Variants in WDR7 observed in about 807,000 individuals in gnomAD.
WDR7 encodes the protein WD repeat domain 7.
WDR7 carries 46 observed loss-of-function variants against 169.4 expected under a neutral mutation model. The ratio of observed to expected loss-of-function variants is 0.27; its 90% CI spans 0.21 to 0.35. WDR7 has a LOEUF of 0.35. Ranked by LOEUF, WDR7 falls within the 10% of genes least tolerant of loss-of-function variation. The pLI is 1.00. For synonymous variants in WDR7, 612 were observed against 666.8 expected (o/e 0.92, Z 1.27); for missense variants, 1,534 against 1,859.3 (o/e 0.83, Z 3.22).
intron 16 of WDR7, among the ~76,000 whole-genome samples, chr18:56,763,636 C>T (rs1298657524): frequency 2.0e-5 from 3 of 152,164 alleles, no homozygotes; most frequent in Non-Finnish European, 4.4e-5. Flanking sequence ...GCCCCTTTCC[C>T]TGTATTTTCT....
intron 14 of WDR7, among the ~76,000 whole-genome samples, chr18:56,752,825 C>T (rs538268196): frequency 5.3e-5 from 8 of 152,288 alleles, no homozygotes; most frequent in African/African-American, 1.9e-4. Flanking sequence ...ACTTGAAATA[C>T]TTCTTGCAGG....
At chr18:56,810,812 ACC>A (rs2044855933) in intron 19 of WDR7, among the ~76,000 whole-genome samples, 1 of 152,170 alleles carries the variant, frequency 6.6e-6, no homozygotes, top group Admixed American at 6.6e-5. Flanking sequence ...ATTAAATTCA[ACC>A]TTGAAAGTGT....
At chr18:56,715,637 T>C (rs1290975123) in intron 12 of WDR7, among the ~76,000 whole-genome samples, 1 of 152,040 alleles carries the variant, frequency 6.6e-6, no homozygotes. Flanking sequence ...AGTTCAAGAC[T>C]AGCCTGGGCA....
At chr18:56,890,022 T>A (rs1181455423) in intron 21 of WDR7, among the ~76,000 whole-genome samples, 1 of 152,176 alleles carries the variant, frequency 6.6e-6, no homozygotes, top group African/African-American at 2.4e-5. Flanking sequence ...ATTTGTGGTT[T>A]TTGTTTTTGT....
At chr18:56,792,538 T>C (rs2044506249) in intron 19 of WDR7, among the ~76,000 whole-genome samples, 1 of 151,994 alleles carries the variant, frequency 6.6e-6, no homozygotes, top group Non-Finnish European at 1.5e-5. Context: ...GTAGTAAACT[T>C]ACACATGAAA....
intron 12 of WDR7, among the ~76,000 whole-genome samples, chr18:56,707,316 T>G (rs771353799): frequency 6.6e-6 from 1 of 152,142 alleles, no homozygotes; most frequent in Non-Finnish European, 1.5e-5. Flanking sequence ...ACTTTGTTCC[T>G]CTGTTAGGTA....
intron 21 of WDR7, among the ~76,000 whole-genome samples, chr18:56,891,351 T>G (rs2046260945): frequency 6.6e-6 from 1 of 152,134 alleles, no homozygotes; most frequent in Non-Finnish European, 1.5e-5. Flanking sequence ...GAATACTTTG[T>G]GGCTCGATTT....
chr18:56,689,425 C>A (rs2025517429), intron 7 of WDR7, among the ~76,000 whole-genome samples: 1 of 151,678 alleles, frequency 6.6e-6, no homozygotes. Context: ...CACGCCTGAC[C>A]AATTTTTGTA....
chr18:57,005,707 A>C (rs2048046495), intron 26 of WDR7, among the ~76,000 whole-genome samples: 1 of 152,172 alleles, frequency 6.6e-6, no homozygotes, highest in Admixed American at 6.6e-5. Context: ...AAAATATTTA[A>C]ATCAGGGGTG....
chr18:56,746,111 A>AG (rs1304998438), intron 14 of WDR7, among the ~76,000 whole-genome samples: 1 of 152,210 alleles, frequency 6.6e-6, no homozygotes, highest in African/African-American at 2.4e-5. Context: ...CAGTTATCTC[A>AG]GGGAGACAGT....
Position 57,029,471 on chromosome 18 carries a change from G to A in WDR7, c.*2264G>A, listed in dbSNP as rs918696517. ...AGCCACAGTCCCAAACTTCATCCCA[G>A]CTTAGATTTCTCAGCACTGAGGTAA... On this transcript the variant is annotated 3_prime_UTR_variant, in exon 28 of 28. Transcript: ENST00000254442. 6.6e-6 allele frequency: 1 copy of A among 152,134 alleles called. No individual in the cohort carries two copies. Among genetic ancestry groups the A allele is most frequent in the Non-Finnish European group, 1.5e-5 (1 of 68,032 alleles). 9.4% of individuals were successfully genotyped at this position (152,134 alleles called of 1,614,324 possible). A position where few individuals can be genotyped will look rare whatever the true frequency, so the allele number is the denominator to read the frequency against.
At chr18:56,658,339 A>G (rs1189231204) in intron 1 of WDR7, among the ~76,000 whole-genome samples, 1 of 152,084 alleles carries the variant, frequency 6.6e-6, no homozygotes, top group African/African-American at 2.4e-5. Context: ...CCTGACCTCA[A>G]GTGATCTGCC....
intron 20 of WDR7, among the ~76,000 whole-genome samples, chr18:56,843,128 C>T (rs2045512419): frequency 6.6e-6 from 1 of 152,104 alleles, no homozygotes; most frequent in Non-Finnish European, 1.5e-5. Context: ...TACAAAAATC[C>T]ATTAATGATG....
chr18:56,680,939 TA>T (rs2025339817), intron 3 of WDR7, among the ~76,000 whole-genome samples: 1 of 152,240 alleles, frequency 6.6e-6, no homozygotes, highest in Admixed American at 6.5e-5. Context: ...CTGTTATCCT[TA>T]CTTTGAGGTT....
Position 56,879,928 on chromosome 18 carries a change from A to G in WDR7, c.3305-16A>G, listed in dbSNP as rs1012739247. 23 of 1,584,380 alleles carry G rather than the reference A, an allele frequency of 1.5e-5. 1 individual carries two copies. Among genetic ancestry groups the G allele is most frequent in the South Asian group, 1.1e-4 (10 of 90,034 alleles). The stretch of plus-strand genomic sequence containing the variant: ...TTGATTTGTTCTAAGTTGAGATTCT[A>G]TGTTTTGGTCTTCAGGTTGCTTATC... On this transcript the variant is annotated splice_polypyrimidine_tract_variant and intron_variant, in intron 20 of 27. Transcript: ENST00000254442.
chr18:56,800,600 C>T (rs1469585856), intron 19 of WDR7, among the ~76,000 whole-genome samples: 1 of 151,986 alleles, frequency 6.6e-6, no homozygotes, highest in African/African-American at 2.4e-5. Flanking sequence ...GATCCAGGAC[C>T]TTATATTTTG....
chr18:56,862,957 A>G (rs1241263287), intron 20 of WDR7, among the ~76,000 whole-genome samples: 6 of 151,888 alleles, frequency 4.0e-5, no homozygotes, highest in Admixed American at 2.0e-4. Context: ...ATACTTTTCA[A>G]TAAAATAGTA....
At chr18:56,950,161 G>T (rs2047161035) in intron 25 of WDR7, among the ~76,000 whole-genome samples, 1 of 152,190 alleles carries the variant, frequency 6.6e-6, no homozygotes, top group Non-Finnish European at 1.5e-5. Context: ...TGAGATTTCA[G>T]TATACAGAAG....
intron 7 of WDR7, among the ~76,000 whole-genome samples, chr18:56,688,515 G>A (rs1435345485): frequency 6.0e-5 from 9 of 149,250 alleles, no homozygotes; most frequent in Non-Finnish European, 1.0e-4. Flanking sequence ...TCAGGAGTTC[G>A]AGACCAGCCT....
Sources: allele counts gnomAD v4.1 joint callset (sites outside exome capture counted in the v4.1 genomes callset), GRCh38; gene constraint gnomAD v4.1.1; transcripts MANE v1.5; gene names NCBI Gene and HGNC (gene_info 2026-07-23, HGNC 2026-07-21).